OLFM2: variants seen among roughly 807,000 people sequenced by gnomAD.
OLFM2 encodes the protein olfactomedin 2.
A neutral mutation model predicts 43.9 loss-of-function variants in OLFM2; 20 were observed. The observed-to-expected ratio is 0.46, with a 90% CI of 0.32 to 0.66. The LOEUF (loss-of-function observed/expected upper bound fraction) is 0.66, where lower values mean the gene tolerates loss of function less well. Ranked by LOEUF, OLFM2 falls within the 30% of genes least tolerant of loss-of-function variation. OLFM2 has a pLI of 0.04. For missense variants in OLFM2, 416 were observed against 643.6 expected, an observed-to-expected ratio of 0.65 and a Z score of 3.83; for synonymous variants, 268 against 278.6, an observed-to-expected ratio of 0.96 and a Z score of 0.38.
At chr19:9,871,796 G>A (rs986089519) in intron 1 of OLFM2, among the ~76,000 whole-genome samples, 5 of 152,172 alleles carry the variant, frequency 3.3e-5, no homozygotes, top group Non-Finnish European at 7.3e-5. Context: ...ACAGGGGAGC[G>A]GGGAGTTTTG....
Position 9,935,142 on chromosome 19 carries a change from C to T in OLFM2, c.63+1162G>A, listed in dbSNP as rs1022940577. 1.6e-4 allele frequency among the ~76,000 whole-genome samples: 25 copies of T among 152,164 alleles called. 1 individual carries two copies. Among genetic ancestry groups the T allele is most frequent in the African/African-American group, 6.0e-4 (25 of 41,412 alleles). On this transcript the variant is annotated intron_variant, in intron 1 of 5. Transcript: ENST00000264833. ...CATCCATAAAATGAGGTAACAATAC[C>T]ATGCTCTAGTAGGGAGGAGGCAGAG...
chr19:9,896,551 C>T (rs944603932), intron 1 of OLFM2, among the ~76,000 whole-genome samples: 2 of 152,174 alleles, frequency 1.3e-5, no homozygotes, highest in Non-Finnish European at 2.9e-5. Context: ...TGTGAGCCAC[C>T]ACCTCACCTG....
intron 1 of OLFM2, among the ~76,000 whole-genome samples, chr19:9,862,381 T>C (rs1202000691): frequency 6.6e-6 from 1 of 151,954 alleles, no homozygotes; most frequent in African/African-American, 2.4e-5. Context: ...CTGATCAATG[T>C]CTGGAGGGAC....
chr19:9,887,108 C>T (rs1360717712), intron 1 of OLFM2, among the ~76,000 whole-genome samples: 2 of 152,208 alleles, frequency 1.3e-5, no homozygotes, highest in African/African-American at 4.8e-5. Flanking sequence ...GTTCAATAAA[C>T]ATCTCTGGCA....
intron 1 of OLFM2, among the ~76,000 whole-genome samples, chr19:9,877,229 C>CAAA (rs1284739436): frequency 7.5e-4 from 34 of 45,386 alleles, no homozygotes; most frequent in African/African-American, 2.7e-3. Context: ...GACTCCATCT[C>CAAA]AAAAAAAAAA....
intron 1 of OLFM2, among the ~76,000 whole-genome samples, chr19:9,923,663 GAAAGAAA>G (rs997543726): frequency 6.9e-6 from 1 of 144,516 alleles, no homozygotes; most frequent in African/African-American, 2.8e-5. Context: ...GAAAAGAAAA[GAAAGAAA>G]AAAGAAAAGA....
chr19:9,893,591 T>C (rs529431299), intron 1 of OLFM2, among the ~76,000 whole-genome samples: 1 of 152,148 alleles, frequency 6.6e-6, no homozygotes, highest in Non-Finnish European at 1.5e-5. Flanking sequence ...CCTGCCCTAG[T>C]AGAACGTTCA....
intron 1 of OLFM2, among the ~76,000 whole-genome samples, chr19:9,907,020 G>C (rs924420818): frequency 2.6e-5 from 4 of 152,140 alleles, no homozygotes; most frequent in Non-Finnish European, 5.9e-5. Flanking sequence ...CGGGGAGGGG[G>C]AATGGTGCTC....
rs33994907 is a variant in OLFM2, at chr19:9,868,971, A to AT, written c.64-8178dup. 9.3e-4 allele frequency among the ~76,000 whole-genome samples: 96 copies of AT among 102,870 alleles called. 1 individual carries two copies. The highest frequency in any genetic ancestry group is 8.9e-3 in the South Asian group (30 of 3,354). The allele number at this position is 102,870 out of a possible 152,430, so 67.5% of individuals were successfully genotyped here. A position where few individuals can be genotyped will look rare whatever the true frequency, so the allele number is the denominator to read the frequency against. On this transcript the variant is annotated intron_variant, in intron 1 of 5. Coordinates refer to ENST00000264833, the MANE Select transcript of OLFM2 (RefSeq NM_058164.4). ...AAAAAGATTTTTAAAAGTCCCTTAA[A>AT]TTTTTTTTTTTTTTTTTGGCAAGGG... is the stretch of plus-strand genomic sequence containing the variant.
intron 1 of OLFM2, among the ~76,000 whole-genome samples, chr19:9,920,906 T>TG (rs1261027004): frequency 6.9e-6 from 1 of 144,116 alleles, no homozygotes; most frequent in African/African-American, 2.8e-5. Context: ...GACTCCATCT[T>TG]GAAAAAAAAA....
At chr19:9,883,491 A>G (rs2046558422) in intron 1 of OLFM2, among the ~76,000 whole-genome samples, 1 of 151,958 alleles carries the variant, frequency 6.6e-6, no homozygotes, top group Non-Finnish European at 1.5e-5. Context: ...AGGGAAATCA[A>G]TCCTGGCTAA....
intron 1 of OLFM2, among the ~76,000 whole-genome samples, chr19:9,901,372 G>A (rs1389267633): frequency 6.6e-6 from 1 of 152,130 alleles, no homozygotes; most frequent in Non-Finnish European, 1.5e-5. Context: ...GTTGCAGTGA[G>A]CTGAGATCGC....
intron 1 of OLFM2, among the ~76,000 whole-genome samples, chr19:9,867,529 A>G (rs1346590424): frequency 6.6e-6 from 1 of 152,172 alleles, no homozygotes; most frequent in Non-Finnish European, 1.5e-5. Context: ...AAATGAAGCT[A>G]TTATTGTGTT....
At chr19:9,881,797 C>T (rs1449517631) in intron 1 of OLFM2, among the ~76,000 whole-genome samples, 1 of 152,032 alleles carries the variant, frequency 6.6e-6, no homozygotes, top group Non-Finnish European at 1.5e-5. Flanking sequence ...TGCACCCGGA[C>T]CTAATCTCCT....
At position 9,860,960 on chromosome 19, in the gene OLFM2, T is replaced by C. The variant is rs10415033; in HGVS notation, c.64-166A>G. 0.14 allele frequency among the ~76,000 whole-genome samples: 21,105 copies of C among 152,120 alleles called. 1,642 individuals carry two copies. Among genetic ancestry groups the C allele is most frequent in the African/African-American group, 0.19 (7,788 of 41,484 alleles). ...CTCAGGCCCTCCTTAAGGAGCCTCATTTCACGGATGGCAAGACTGAGGTGC... is the reference window on the plus strand; with the variant it reads ...CTCAGGCCCTCCTTAAGGAGCCTCACTTCACGGATGGCAAGACTGAGGTGC... On this transcript the variant is annotated intron_variant, in intron 1 of 5. Transcript: ENST00000264833.
chr19:9,925,182 G>A (rs768673711), intron 1 of OLFM2, among the ~76,000 whole-genome samples: 37 of 152,132 alleles, frequency 2.4e-4, no homozygotes, highest in Admixed American at 1.2e-3. Context: ...GCTTGAGTCC[G>A]GAAGGCGGAG....
intron 2 of OLFM2, among the ~76,000 whole-genome samples, chr19:9,858,833 G>A (rs2046344371): frequency 6.6e-6 from 1 of 152,088 alleles, no homozygotes; most frequent in Non-Finnish European, 1.5e-5. Context: ...ACTCTCACCT[G>A]GCTAAGGTAG....
intron 1 of OLFM2, among the ~76,000 whole-genome samples, chr19:9,891,127 A>T (rs2046634947): frequency 6.6e-6 from 1 of 151,996 alleles, no homozygotes; most frequent in Admixed American, 6.6e-5. Context: ...CAGCCTGGTC[A>T]ACATGGTGAA....
At chr19:9,891,343 G>A (rs984523101) in intron 1 of OLFM2, among the ~76,000 whole-genome samples, 2 of 149,082 alleles carry the variant, frequency 1.3e-5, no homozygotes, top group African/African-American at 5.0e-5. Flanking sequence ...TGCATGCTGG[G>A]GCCAGGCACA....
Sources: allele counts gnomAD v4.1 joint callset (sites outside exome capture counted in the v4.1 genomes callset), GRCh38; gene constraint gnomAD v4.1.1; transcripts MANE v1.5; gene names NCBI Gene and HGNC (gene_info 2026-07-23, HGNC 2026-07-21).